SMTNL2: variants seen among roughly 807,000 people sequenced by gnomAD.
The protein encoded by SMTNL2 is smoothelin like 2.
A neutral mutation model predicts 44.1 loss-of-function variants in SMTNL2; 43 were observed. That is an observed-to-expected ratio of 0.98 (90% CI 0.76 to 1.26). The LOEUF (loss-of-function observed/expected upper bound fraction) is 1.26, where lower values mean the gene tolerates loss of function less well. Among genes scored for constraint, SMTNL2 ranks in the 50% most tolerant of loss-of-function variants. The pLI is 0.00. For synonymous variants in SMTNL2, 317 were observed against 287.6 expected, an observed-to-expected ratio of 1.10 and a Z score of -1.03; for missense variants, 646 against 670.2, an observed-to-expected ratio of 0.96 and a Z score of 0.40.
In SMTNL2 at chr17:4,592,991, C is replaced by A. The variant is rs557287522; in HGVS notation, c.550C>A (p.Arg184Ser). The change falls in exon 3 of 8, where the codon CGT (arginine) becomes AGT (serine). Residue 184 changes from arginine (R) to serine (S), a missense_variant. Physicochemically the swap from Arg to Ser is moderately radical, Grantham distance 110. Transcript: ENST00000389313. The surrounding 1 kb of genome is among the most constrained non-coding windows in gnomAD (Gnocchi z 4.5). ...CTCAGCACCAGATCCCCCCAGGCCT[C>A]GTCCTGTGAGCCTCTCCTTGCGGCT... ...NFSAPDPPRPRPVSLSLRLPH... is the reference protein window; with the variant it reads ...NFSAPDPPRPSPVSLSLRLPH... The A allele has an allele frequency of 6.2e-7, 1 of 1,614,032 alleles. No homozygotes were observed.
chr17:4,584,702 G>T lies in SMTNL2; in HGVS notation c.97G>T (p.Glu33Ter). Reference sequence around the variant, plus strand: ...GGAGGGTGCGGTGCGCGCGCTGCACGAGGACATGCGGGGGCTGCAGCGCGG... The same window carrying T: ...GGAGGGTGCGGTGCGCGCGCTGCACTAGGACATGCGGGGGCTGCAGCGCGG... ...ALEGAVRALHEDMRGLQRGVE... is the reference protein window; with the variant it reads ...ALEGAVRALH The change falls in exon 1 of 8, where the codon GAG (glutamate) becomes TAG (stop). Residue 33 changes from glutamate (E) to a stop codon, truncating the protein, a stop_gained. Coordinates refer to ENST00000389313, the MANE Select transcript of SMTNL2 (RefSeq NM_001114974.2). LOFTEE classifies it high-confidence loss of function. 2 of 1,295,806 alleles carry T rather than the reference G, an allele frequency of 1.5e-6. No individual in the cohort carries two copies. Among genetic ancestry groups the T allele is most frequent in the Non-Finnish European group, 1.9e-6 (2 of 1,025,844 alleles). The allele number at this position is 1,295,806 out of a possible 1,614,324, so 80.3% of individuals were successfully genotyped here.
chr17:4,607,618 G>C lies in SMTNL2; in HGVS notation c.*131G>C. On this transcript the variant is annotated 3_prime_UTR_variant, in exon 8 of 8. Transcript: ENST00000389313. The surrounding 1 kb of genome is among the most constrained non-coding windows in gnomAD (Gnocchi z 4.7). Reference sequence around the variant, plus strand: ...GCGCGCTGTTTGTTCTGTGGCATGTGACGGCACTCCCCTTCGAGCCCAGCT... The same window carrying C: ...GCGCGCTGTTTGTTCTGTGGCATGTCACGGCACTCCCCTTCGAGCCCAGCT... 2 of 1,408,768 alleles carry C rather than the reference G, an allele frequency of 1.4e-6. No individual in the cohort carries two copies. The highest frequency in any genetic ancestry group is 2.7e-5 in the South Asian group (2 of 73,174). The allele number at this position is 1,408,768 out of a possible 1,614,324, so 87.3% of individuals were successfully genotyped here. A position where few individuals can be genotyped will look rare whatever the true frequency, so the allele number is the denominator to read the frequency against.
At chr17:4,606,567 T>G (rs1181215680) in intron 7 of SMTNL2, among the ~76,000 whole-genome samples, 1 of 151,834 alleles carries the variant, frequency 6.6e-6, no homozygotes, top group Non-Finnish European at 1.5e-5. Flanking sequence ...TCAAGACCAG[T>G]CTGGGTAACA....
Position 4,607,463 on chromosome 17 carries a change from C to A in SMTNL2, c.1362C>A (p.Tyr454Ter), listed in dbSNP as rs1198872627. Residue 454 changes from tyrosine to a stop codon, truncating the protein, a stop_gained, in exon 8 of 8, where the codon TAC becomes TAA. Transcript: ENST00000389313. LOFTEE classifies it high-confidence loss of function. The surrounding 1 kb of genome is among the most constrained non-coding windows in gnomAD (Gnocchi z 4.7). ...TCTTCACCTACGTCCAGTCGCTGTA[C>A]AACCACCTGCGTCGCTTCGAGTAAA... ...MCVFTYVQSL[Y>*]NHLRRFE is the part of the protein sequence containing the mutation. 17 of 1,614,202 alleles carry A rather than the reference C, an allele frequency of 1.1e-5. No homozygotes were observed. The highest frequency in any genetic ancestry group is 1.4e-5 in the Non-Finnish European group (17 of 1,180,018).
At chr17:4,593,571 G>A (rs1909674294) in intron 3 of SMTNL2, among the ~76,000 whole-genome samples, 2 of 152,246 alleles carry the variant, frequency 1.3e-5, no homozygotes, top group Non-Finnish European at 2.9e-5. Flanking sequence ...CATGGCACGG[G>A]CCCTGGGCTC....
intron 5 of SMTNL2, 25 bp from the exon 6 acceptor site, chr17:4,596,835 C>T: frequency 7.0e-7 from 1 of 1,426,100 alleles, no homozygotes; most frequent in South Asian, 1.5e-5. Flanking sequence ...GGGGCCCCCG[C>T]AGCAGGCCTG....
chr17:4,607,302 C>T lies in SMTNL2; in HGVS notation c.1260-59C>T, dbSNP rs1348506207. On this transcript the variant is annotated intron_variant, in intron 7 of 7. Transcript: ENST00000389313. The surrounding 1 kb of genome is among the most constrained non-coding windows in gnomAD (Gnocchi z 4.7). ...CGGGACCGAGACACCGGCCCTGTCGCGGCTGTGGGGCTGGCTGATGGCTGG... is the reference window on the plus strand; with the variant it reads ...CGGGACCGAGACACCGGCCCTGTCGTGGCTGTGGGGCTGGCTGATGGCTGG... 7 of 1,598,708 alleles carry T rather than the reference C, an allele frequency of 4.4e-6. No homozygotes were observed. In the East Asian group the frequency reaches 6.9e-5, roughly 16 times the overall value.
chr17:4,593,137 C>A lies in SMTNL2; in HGVS notation c.696C>A (p.Ser232Arg). Reference sequence around the variant, plus strand: ...TGGGGGGCCTCAACCCAAGCCCCAGCGAGGTCATCACGCCCTGGACTCCCA... The same window carrying A: ...TGGGGGGCCTCAACCCAAGCCCCAGAGAGGTCATCACGCCCTGGACTCCCA... ...ATLGGLNPSP[S>R]EVITPWTPSP... The change falls in exon 3 of 8, where the codon AGC (serine) becomes AGA (arginine). Residue 232 changes from serine (S) to arginine (R), a missense_variant. Physicochemically the swap from Ser to Arg is moderately radical, Grantham distance 110. Transcript: ENST00000389313. 2 of 1,610,754 alleles carry A rather than the reference C, an allele frequency of 1.2e-6. No individual in the cohort carries two copies. Among genetic ancestry groups the A allele is most frequent in the Non-Finnish European group, 1.7e-6 (2 of 1,177,754 alleles).
intron 1 of SMTNL2, among the ~76,000 whole-genome samples, chr17:4,591,493 G>A (rs1242220639): frequency 6.6e-6 from 1 of 152,248 alleles, no homozygotes. Context: ...CATGCCCTCT[G>A]GGAGTCCTCG....
chr17:4,585,333 T>G (rs532122417), intron 1 of SMTNL2, among the ~76,000 whole-genome samples: 2 of 152,362 alleles, frequency 1.3e-5, no homozygotes, highest in South Asian at 4.1e-4. Context: ...TGTTCAGCAC[T>G]GCCTGGAGCC....
intron 7 of SMTNL2, among the ~76,000 whole-genome samples, chr17:4,602,330 T>C (rs1288224076): frequency 7.0e-6 from 1 of 143,518 alleles, no homozygotes; most frequent in East Asian, 2.0e-4. Flanking sequence ...TTTTTTTTTT[T>C]TTTTTTTTTG....
intron 7 of SMTNL2, among the ~76,000 whole-genome samples, chr17:4,606,474 T>C (rs995280172): frequency 1.3e-5 from 2 of 151,782 alleles, no homozygotes; most frequent in African/African-American, 2.4e-5. Flanking sequence ...TTAAATACAA[T>C]ATGCCAGGTA....
intron 7 of SMTNL2, among the ~76,000 whole-genome samples, chr17:4,605,158 T>C (rs867441417): frequency 3.8e-5 from 5 of 129,996 alleles, no homozygotes; most frequent in African/African-American, 1.6e-4. Flanking sequence ...GTTTGGTTTT[T>C]TTTTTTTTTT....
chr17:4,586,370 GCCT>G (rs1300102837), intron 1 of SMTNL2, among the ~76,000 whole-genome samples: 3 of 152,172 alleles, frequency 2.0e-5, no homozygotes, highest in Non-Finnish European at 4.4e-5. Context: ...GCTCACACGT[GCCT>G]CATCAACTGT....
intron 7 of SMTNL2, among the ~76,000 whole-genome samples, chr17:4,603,262 T>C (rs1002873846): frequency 2.0e-5 from 3 of 152,122 alleles, no homozygotes; most frequent in African/African-American, 7.2e-5. Flanking sequence ...GTCCTGGGTA[T>C]CCTTTGTGGG....
At position 4,600,751 on chromosome 17, in the gene SMTNL2, G is replaced by A. The variant is rs548751702; in HGVS notation, c.1259+3428G>A. 2.6e-5 allele frequency among the ~76,000 whole-genome samples: 4 copies of A among 152,198 alleles called. No homozygotes were observed. Among genetic ancestry groups the A allele is most frequent in the South Asian group, 2.1e-4 (1 of 4,816 alleles). ...GCGGGCGCCTGACCCTTCTGCACCC[G>A]TCCTTTCCACCTCTGCAGAGGCCCA... On this transcript the variant is annotated intron_variant, in intron 7 of 7. Transcript: ENST00000389313. The surrounding 1 kb of genome is among the most constrained non-coding windows in gnomAD (Gnocchi z 4.7).
rs1476254520 is a variant in SMTNL2 at position 4,608,030 on chromosome 17, C to G, written c.*543C>G. On this transcript the variant is annotated 3_prime_UTR_variant, in exon 8 of 8. Transcript: ENST00000389313. The stretch of plus-strand genomic sequence containing the variant: ...TGGGAAGAAACAGTTTAATCACTCC[C>G]AAGTCCTGGGCAACAGATGACCTTC... 6.6e-6 allele frequency: 1 copy of G among 152,224 alleles called. No homozygotes were observed. Among genetic ancestry groups the G allele is most frequent in the African/African-American group, 2.4e-5 (1 of 41,422 alleles). The allele number at this position is 152,224 out of a possible 1,614,324, so 9.4% of individuals were successfully genotyped here. A position where few individuals can be genotyped will look rare whatever the true frequency, so the allele number is the denominator to read the frequency against.
In SMTNL2 at chr17:4,607,080, G is replaced by A. The variant is rs1334244847; in HGVS notation, c.1260-281G>A. ...TGCCTGGGCAACAGAGCAAGCCCCT[G>A]TCTCTAAAAAAAAAACCCAAATTAA... On this transcript the variant is annotated intron_variant, in intron 7 of 7. Transcript: ENST00000389313. The surrounding 1 kb of genome is among the most constrained non-coding windows in gnomAD (Gnocchi z 4.7). 6.6e-6 allele frequency among the ~76,000 whole-genome samples: 1 copy of A among 151,744 alleles called. No individual in the cohort carries two copies. The highest frequency in any genetic ancestry group is 1.5e-5 in the Non-Finnish European group (1 of 67,944).
rs966658868 is a variant in SMTNL2, at chr17:4,584,913, C to T, written c.308C>T (p.Pro103Leu). The T allele has an allele frequency of 7.7e-7, 1 of 1,292,494 alleles. No individual in the cohort carries two copies. The highest frequency in any genetic ancestry group is 9.7e-7 in the Non-Finnish European group (1 of 1,025,656). 80.1% of individuals were successfully genotyped at this position (1,292,494 alleles called of 1,614,324 possible). ...VPGTPGTPSP[P>L]PAPGVPDRAP... Reference sequence around the variant, plus strand: ...GGCACTCCCGGCACGCCCAGCCCCCCGCCCGCGCCCGGGGTTCCCGACCGC... The same window carrying T: ...GGCACTCCCGGCACGCCCAGCCCCCTGCCCGCGCCCGGGGTTCCCGACCGC... Residue 103 changes from proline to leucine, a missense_variant, in exon 1 of 8, where the codon CCG (proline) becomes CTG (leucine). Pro to Leu is a moderately conservative substitution (Grantham distance 98). Transcript: ENST00000389313.
Sources: gnomAD v4.1 joint callset for allele counts (sites outside exome capture counted in the v4.1 genomes callset) on GRCh38, gnomAD v4.1.1 for gene constraint, Gnocchi (gnomAD v3.1) non-coding constraint, MANE v1.5 for transcripts, NCBI Gene and HGNC (gene_info 2026-07-23, HGNC 2026-07-21) for gene names.